DIAPH2: variants seen among roughly 807,000 people sequenced by gnomAD.
The protein encoded by DIAPH2 is protein diaphanous homolog 2.
Under a neutral mutation model 92.7 loss-of-function variants are expected in DIAPH2, and 35 were observed. That is an observed-to-expected ratio of 0.38 (90% CI 0.29 to 0.50). The LOEUF is 0.50. DIAPH2 is among the 20% of genes least tolerant of loss of function. The pLI is 0.94. For missense variants in DIAPH2, 701 were observed against 819.5 expected, an observed-to-expected ratio of 0.86 and a Z score of 1.77; for synonymous variants, 301 against 280.4, an observed-to-expected ratio of 1.07 and a Z score of -0.73.
chrX:96,911,459 T>A (rs2065468140), intron 5 of DIAPH2, among the ~76,000 whole-genome samples: 2 of 111,538 alleles, frequency 1.8e-5, no homozygotes, highest in African/African-American at 6.5e-5. Flanking sequence ...GGAGAATTTA[T>A]GTCCAGCCAA....
intron 26 of DIAPH2, among the ~76,000 whole-genome samples, chrX:97,474,763 C>G (rs2070590834): frequency 1.4e-5 from 1 of 71,191 alleles, no homozygotes; most frequent in Non-Finnish European, 3.4e-5. Context: ...ATGACTCCAT[C>G]TCAAAAAAAA....
intron 21 of DIAPH2, among the ~76,000 whole-genome samples, chrX:97,125,301 C>T (rs1294127922): frequency 9.3e-6 from 1 of 107,564 alleles, no homozygotes; most frequent in African/African-American, 3.4e-5. Context: ...GGTGAAATCC[C>T]GTCTTTACTA....
Position 97,330,504 on chromosome X carries a change from GTTTC to G in DIAPH2, c.2845-17600_2845-17597del, listed in dbSNP as rs201093461. Among the ~76,000 whole-genome samples the G allele has an allele frequency of 2.3e-3, 248 of 107,834 alleles. 5 individuals carry two copies. The East Asian group carries it at 0.061, about 26-fold the overall frequency. 93.6% of individuals were successfully genotyped at this position (107,834 alleles called of 115,157 possible). Reference sequence around the variant, plus strand: ...CATGTCGTAACATATGACAAGATGTGTTTCTTTCTTTCTTTTTTTTTTTTTTGAG... The same window carrying G: ...CATGTCGTAACATATGACAAGATGTGTTTCTTTCTTTTTTTTTTTTTTGAG... On this transcript the variant is annotated intron_variant, in intron 23 of 26. Coordinates refer to ENST00000324765, the MANE Select transcript of DIAPH2 (RefSeq NM_006729.5).
At chrX:97,176,773 T>C (rs1030360516) in intron 22 of DIAPH2, among the ~76,000 whole-genome samples, 12 of 111,390 alleles carry the variant, frequency 1.1e-4, no homozygotes, top group Non-Finnish European at 2.1e-4. Context: ...GTGATCCGCC[T>C]GCCTCGGCCT....
intron 26 of DIAPH2, among the ~76,000 whole-genome samples, chrX:97,477,036 C>T (rs1271194704): frequency 3.0e-5 from 3 of 98,849 alleles, no homozygotes; most frequent in Non-Finnish European, 6.1e-5. Flanking sequence ...TACACACACA[C>T]ATCCTTTTTA....
At chrX:97,318,454 T>C (rs2068859345) in intron 23 of DIAPH2, among the ~76,000 whole-genome samples, 1 of 106,036 alleles carries the variant, frequency 9.4e-6, no homozygotes, top group South Asian at 4.3e-4. Flanking sequence ...GGTCTATTCT[T>C]GATTACAGTT....
chrX:97,432,170 C>T (rs934182306), intron 26 of DIAPH2, among the ~76,000 whole-genome samples: 10 of 112,196 alleles, frequency 8.9e-5, no homozygotes, highest in South Asian at 7.4e-4. Context: ...CCACAATCAG[C>T]GGAGATGTAC....
At chrX:97,079,934 C>G (rs1438103095) in intron 19 of DIAPH2, among the ~76,000 whole-genome samples, 4 of 109,158 alleles carry the variant, frequency 3.7e-5, no homozygotes. Flanking sequence ...AGTTATTTTT[C>G]TATAGTTTTT....
intron 15 of DIAPH2, among the ~76,000 whole-genome samples, chrX:96,954,728 C>T (rs188481295): frequency 8.9e-6 from 1 of 112,097 alleles, no homozygotes; most frequent in Admixed American, 9.4e-5. Context: ...TAATAATGCC[C>T]TATCTGTATT....
chrX:96,722,051 A>G (rs911719462), intron 1 of DIAPH2, among the ~76,000 whole-genome samples: 1 of 111,551 alleles, frequency 9.0e-6, no homozygotes, highest in African/African-American at 3.3e-5. Context: ...CATGTCTACA[A>G]TTTGGCATTT....
intron 23 of DIAPH2, among the ~76,000 whole-genome samples, chrX:97,293,492 C>G (rs2068616413): frequency 9.0e-6 from 1 of 110,590 alleles, no homozygotes; most frequent in Non-Finnish European, 1.9e-5. Flanking sequence ...ACCTCGTAAT[C>G]TGCCCACCTT....
chrX:97,178,129 G>A (rs777030079), intron 22 of DIAPH2, among the ~76,000 whole-genome samples: 2 of 110,062 alleles, frequency 1.8e-5, no homozygotes, highest in African/African-American at 6.6e-5. Flanking sequence ...GGGGGCCTTG[G>A]GGGGAATGCT....
At chrX:97,388,721 T>C (rs768203753) in intron 25 of DIAPH2, among the ~76,000 whole-genome samples, 10 of 111,780 alleles carry the variant, frequency 8.9e-5, no homozygotes, top group Non-Finnish European at 1.7e-4. Context: ...ATCTAAGTTG[T>C]TTATATTGAC....
In DIAPH2 at chrX:97,375,285, G is replaced by A. The variant is rs749760946; in HGVS notation, c.3010-8624G>A. 1.4e-3 allele frequency among the ~76,000 whole-genome samples: 156 copies of A among 110,982 alleles called. 1 individual carries two copies. Among genetic ancestry groups the A allele is most frequent in the Non-Finnish European group, 2.5e-3 (133 of 52,953 alleles). ...AGCCTGACCAACATGGTGAAACCCC[G>A]TCTCTACTAAAAATACAAAAATTAC... On this transcript the variant is annotated intron_variant, in intron 24 of 26. Transcript: ENST00000324765.
intron 4 of DIAPH2, among the ~76,000 whole-genome samples, chrX:96,761,191 AC>A (rs776012391): frequency 1.8e-5 from 2 of 111,363 alleles, no homozygotes; most frequent in Non-Finnish European, 3.8e-5. Context: ...AAAGTTATTC[AC>A]CGAAGTCCCA....
At chrX:96,825,532 C>T (rs1171447579) in intron 4 of DIAPH2, among the ~76,000 whole-genome samples, 1 of 109,867 alleles carries the variant, frequency 9.1e-6, no homozygotes, top group Non-Finnish European at 1.9e-5. Flanking sequence ...CTGTGTAAGT[C>T]AGTTTATCAA....
rs899483414 is a variant in DIAPH2 at position 96,961,994 on chromosome X, G to A, written c.1936-3099G>A. On this transcript the variant is annotated intron_variant, in intron 16 of 26. Transcript: ENST00000324765. ...TGCTGATGGGAAGAGTGTTTATTCT[G>A]CAGCTGTTGGATAAAATGTTCTGTA... is the stretch of plus-strand genomic sequence containing the variant. Among the ~76,000 whole-genome samples, 4 of 108,535 alleles carry A rather than the reference G, an allele frequency of 3.7e-5. No individual in the cohort carries two copies. In the East Asian group the frequency reaches 1.2e-3, roughly 31 times the overall value. The allele number at this position is 108,535 out of a possible 115,157, so 94.2% of individuals were successfully genotyped here. A position where few individuals can be genotyped will look rare whatever the true frequency, so the allele number is the denominator to read the frequency against.
chrX:97,110,146 G>A (rs758325313), intron 20 of DIAPH2, among the ~76,000 whole-genome samples: 138 of 111,927 alleles, frequency 1.2e-3, no homozygotes, highest in Middle Eastern at 4.6e-3. Flanking sequence ...GCTAAGGAGT[G>A]CTTTAAAAAT....
chrX:97,031,133 C>T (rs1263505845), intron 17 of DIAPH2, among the ~76,000 whole-genome samples: 1 of 110,828 alleles, frequency 9.0e-6, no homozygotes, highest in Non-Finnish European at 1.9e-5. Context: ...CAGCATTTCT[C>T]AGCCCTGGTG....
Sources: allele counts gnomAD v4.1 joint callset (sites outside exome capture counted in the v4.1 genomes callset), GRCh38; gene constraint gnomAD v4.1.1; transcripts MANE v1.5; gene names NCBI Gene and HGNC (gene_info 2026-07-23, HGNC 2026-07-21).